The following DLGAP2 variants were observed in gnomAD, a reference collection of about 807,000 sequenced individuals.
DLGAP2 encodes DLG associated protein 2, also known as disks large-associated protein 2.
A neutral mutation model predicts 100.3 loss-of-function variants in DLGAP2; 26 were observed. That is an observed-to-expected ratio of 0.26 (90% CI 0.19 to 0.36). DLGAP2 has a LOEUF of 0.36. Ranked by LOEUF, DLGAP2 falls within the 10% of genes least tolerant of loss-of-function variation. DLGAP2 has a pLI of 1.00. For synonymous variants in DLGAP2, 886 were observed against 630.1 expected (o/e 1.41, Z -6.08); for missense variants, 1,858 against 1,453.2 (o/e 1.28, Z -4.53).
At chr8:1,155,071 T>TAA (rs1796756780) in intron 2 of DLGAP2, among the ~76,000 whole-genome samples, 1 of 152,170 alleles carries the variant, frequency 6.6e-6, no homozygotes, top group South Asian at 2.1e-4. Context: ...CCTCTCACCC[T>TAA]GGCCACTGCC....
chr8:892,662 C>A (rs184769309), intron 1 of DLGAP2, among the ~76,000 whole-genome samples: 223 of 152,290 alleles, frequency 1.5e-3, no homozygotes, highest in Non-Finnish European at 2.0e-3. Context: ...GTTCCCTGTG[C>A]TGGAAGCACA....
At chr8:1,169,896 C>G (rs1797093212) in intron 2 of DLGAP2, among the ~76,000 whole-genome samples, 1 of 151,914 alleles carries the variant, frequency 6.6e-6, no homozygotes, top group Admixed American at 6.6e-5. Flanking sequence ...CCTAATTGCC[C>G]TGGCTAGAAC....
At chr8:1,447,639 T>A (rs143286324) in intron 3 of DLGAP2, among the ~76,000 whole-genome samples, 2,651 of 152,384 alleles carry the variant, frequency 0.017, 33 homozygotes, top group Middle Eastern at 0.054. Flanking sequence ...TTCTATTGAT[T>A]GGAATAGTTT....
chr8:1,096,758 G>A (rs1434081807), intron 2 of DLGAP2, among the ~76,000 whole-genome samples: 6 of 126,588 alleles, frequency 4.7e-5, no homozygotes, highest in Admixed American at 7.7e-5. Context: ...CTGGGAGCCC[G>A]GGGCAGGCCT....
At chr8:1,164,803 A>G (rs1352820561) in intron 2 of DLGAP2, among the ~76,000 whole-genome samples, 1 of 152,030 alleles carries the variant, frequency 6.6e-6, no homozygotes, top group East Asian at 1.9e-4. Context: ...CTGCGTGTGG[A>G]AAGTGTGCGT....
chr8:1,219,167 A>G (rs1439863634), intron 2 of DLGAP2, among the ~76,000 whole-genome samples: 1 of 152,166 alleles, frequency 6.6e-6, no homozygotes, highest in Non-Finnish European at 1.5e-5. Flanking sequence ...GTTGAATAGA[A>G]GTAGTGTGAG....
intron 2 of DLGAP2, among the ~76,000 whole-genome samples, chr8:1,135,404 A>G (rs1796384532): frequency 6.7e-6 from 1 of 148,390 alleles, no homozygotes; most frequent in Non-Finnish European, 1.5e-5. Context: ...AGAGCCTTTG[A>G]GGGTGCGTCA....
chr8:1,220,134 A>G (rs898034561), intron 2 of DLGAP2, among the ~76,000 whole-genome samples: 2 of 151,862 alleles, frequency 1.3e-5, no homozygotes, highest in Non-Finnish European at 2.9e-5. Flanking sequence ...GATTTAGGCA[A>G]TTTGTTTTCT....
At chr8:952,196 G>C (rs930490020) in intron 2 of DLGAP2, among the ~76,000 whole-genome samples, 1 of 152,210 alleles carries the variant, frequency 6.6e-6, no homozygotes, top group Non-Finnish European at 1.5e-5. Flanking sequence ...AGAGCTGAAA[G>C]GATGTGCCTC....
At chr8:1,266,647 G>A (rs567649953) in intron 3 of DLGAP2, among the ~76,000 whole-genome samples, 40 of 152,234 alleles carry the variant, frequency 2.6e-4, no homozygotes, top group African/African-American at 7.5e-4. Context: ...CAGTCACCAC[G>A]CACTGACGTA....
chr8:1,456,999 G>A (rs1365792072), intron 3 of DLGAP2, among the ~76,000 whole-genome samples: 4 of 152,218 alleles, frequency 2.6e-5, no homozygotes, highest in Non-Finnish European at 5.9e-5. Context: ...AGCCTTTCCC[G>A]AGTTCAGAGG....
intron 2 of DLGAP2, among the ~76,000 whole-genome samples, chr8:1,133,874 T>C (rs182100867): frequency 1.3e-5 from 2 of 152,158 alleles, no homozygotes; most frequent in African/African-American, 4.8e-5. Flanking sequence ...AGTTCAGTGG[T>C]ACAAGTGCAG....
intron 2 of DLGAP2, among the ~76,000 whole-genome samples, chr8:1,065,498 G>A (rs1371890144): frequency 6.6e-6 from 1 of 152,204 alleles, no homozygotes; most frequent in Non-Finnish European, 1.5e-5. Flanking sequence ...AACACGGAGC[G>A]TTTTGCTTGT....
chr8:842,639 T>G (rs1797003784), intron 1 of DLGAP2, among the ~76,000 whole-genome samples: 1 of 152,122 alleles, frequency 6.6e-6, no homozygotes, highest in African/African-American at 2.4e-5. Flanking sequence ...CATTTTGTTC[T>G]CTTCTGCTGC....
chr8:1,003,622 C>T (rs1267952640), intron 2 of DLGAP2, among the ~76,000 whole-genome samples: 1 of 152,224 alleles, frequency 6.6e-6, no homozygotes, highest in East Asian at 1.9e-4. Flanking sequence ...GGCTCTTCTG[C>T]TCTGTGATGT....
chr8:1,470,632 C>A (rs1291882829), intron 3 of DLGAP2, among the ~76,000 whole-genome samples: 3 of 152,118 alleles, frequency 2.0e-5, no homozygotes, highest in African/African-American at 4.8e-5. Context: ...TTTAACAGAA[C>A]AAAAGTGAAA....
intron 4 of DLGAP2, among the ~76,000 whole-genome samples, chr8:1,545,952 C>T (rs2906567): frequency 0.4 from 61,011 of 151,976 alleles, 12,976 homozygotes; most frequent in South Asian, 0.63. Flanking sequence ...TTAAATTACA[C>T]GTTAATGGAA....
rs553497584 is a variant in DLGAP2, at chr8:1,421,770, C to G, written c.107-79596C>G. ...CACGAGGTCAGCAGTTCGAGACCAG[C>G]CTGGCCAACATGGTGAAACCCCGTC... On this transcript the variant is annotated intron_variant, in intron 3 of 14. Transcript: ENST00000637795. Among the ~76,000 whole-genome samples the G allele has an allele frequency of 3.3e-3, 505 of 152,088 alleles. 3 individuals are homozygous for G. Among genetic ancestry groups the G allele is most frequent in the Non-Finnish European group, 5.8e-3 (396 of 67,986 alleles).
intron 4 of DLGAP2, among the ~76,000 whole-genome samples, chr8:1,524,186 G>T (rs1325057702): frequency 2.0e-5 from 3 of 152,162 alleles, no homozygotes; most frequent in Non-Finnish European, 4.4e-5. Context: ...TTCAGGGTGT[G>T]CGTCGGGGTC....
Sources: gnomAD v4.1 joint callset for allele counts (sites outside exome capture counted in the v4.1 genomes callset) on GRCh38, gnomAD v4.1.1 for gene constraint, MANE v1.5 for transcripts, NCBI Gene and HGNC (gene_info 2026-07-23, HGNC 2026-07-21) for gene names.